The following SHISA9 variants were observed in gnomAD, a reference collection of about 807,000 sequenced individuals.
SHISA9 encodes the protein protein shisa-9.
SHISA9 carries 13 observed loss-of-function variants against 38.0 expected under a neutral mutation model. The observed-to-expected ratio is 0.34, with a 90% CI of 0.22 to 0.54. The LOEUF is 0.54. Among genes scored for constraint, SHISA9 ranks in the 20% least tolerant of loss-of-function variants. The pLI, the probability that SHISA9 is intolerant of heterozygous loss-of-function variation, is 0.91. For synonymous variants in SHISA9, 275 were observed against 242.0 expected (o/e 1.14, Z -1.27); for missense variants, 538 against 575.8 (o/e 0.93, Z 0.67).
the SHISA9 span, among the ~76,000 whole-genome samples, chr16:13,446,079 A>T: frequency 2.0e-5 from 3 of 151,980 alleles, no homozygotes; most frequent in Non-Finnish European, 1.5e-5. Context: ...AGTAGCTGGG[A>T]CTACAGGTGC....
the SHISA9 span, among the ~76,000 whole-genome samples, chr16:13,316,528 C>G: frequency 6.6e-6 from 1 of 152,154 alleles, no homozygotes; most frequent in Non-Finnish European, 1.5e-5. Flanking sequence ...AAAATGGAAA[C>G]CATCATTCCT....
chr16:12,909,659 T>C (rs1050220544), intron 1 of SHISA9: 1 of 960,302 alleles, frequency 1.0e-6, no homozygotes, highest in Non-Finnish European at 1.2e-6. Flanking sequence ...TCATCTTCTC[T>C]GAGAAGCCGT....
At chr16:13,287,320 G>A in the SHISA9 span, among the ~76,000 whole-genome samples, 9 of 152,132 alleles carry the variant, frequency 5.9e-5, no homozygotes, top group South Asian at 2.1e-4. Flanking sequence ...GAACTATTCC[G>A]TGGCAGAAAG....
chr16:13,121,832 TACACACAC>T (rs55727441), intron 2 of SHISA9, among the ~76,000 whole-genome samples: 7,753 of 134,826 alleles, frequency 0.058, 203 homozygotes, highest in African/African-American at 0.09. Flanking sequence ...TATACACACA[TACACACAC>T]ACACACACAC....
chr16:13,346,140 G>T, the SHISA9 span, among the ~76,000 whole-genome samples: 1 of 152,098 alleles, frequency 6.6e-6, no homozygotes, highest in African/African-American at 2.4e-5. Flanking sequence ...CAAGTGTCCA[G>T]TGTCTATCAT....
chr16:13,466,113 CA>C, the SHISA9 span, among the ~76,000 whole-genome samples: 4 of 152,192 alleles, frequency 2.6e-5, no homozygotes, highest in Non-Finnish European at 5.9e-5. Flanking sequence ...TTCCTGTTCC[CA>C]CAATGTTATG....
the SHISA9 span, among the ~76,000 whole-genome samples, chr16:13,367,742 A>C: frequency 1.4e-5 from 2 of 147,102 alleles, no homozygotes; most frequent in Non-Finnish European, 1.5e-5. Flanking sequence ...ACACACACAC[A>C]CACACACCCC....
At chr16:13,045,125 T>G (rs1179416292) in intron 2 of SHISA9, among the ~76,000 whole-genome samples, 4 of 152,188 alleles carry the variant, frequency 2.6e-5, no homozygotes, top group Non-Finnish European at 5.9e-5. Context: ...TGCTTGTTAT[T>G]ATGGATGGGA....
chr16:13,064,264 G>A (rs1000192391), intron 2 of SHISA9, among the ~76,000 whole-genome samples: 1 of 152,136 alleles, frequency 6.6e-6, no homozygotes, highest in Non-Finnish European at 1.5e-5. Flanking sequence ...AATACTTATT[G>A]AGCACCTACT....
the SHISA9 span, among the ~76,000 whole-genome samples, chr16:13,318,512 G>A: frequency 1.3e-5 from 2 of 152,132 alleles, no homozygotes; most frequent in Non-Finnish European, 2.9e-5. Context: ...TTTTAGTAGA[G>A]ACAGAGTTTC....
chr16:13,077,710 T>A (rs2073599510), intron 2 of SHISA9, among the ~76,000 whole-genome samples: 1 of 152,160 alleles, frequency 6.6e-6, no homozygotes, highest in African/African-American at 2.4e-5. Flanking sequence ...TGGGCATAAC[T>A]GGCTCAGACC....
the SHISA9 span, among the ~76,000 whole-genome samples, chr16:13,504,779 T>G: frequency 3.3e-5 from 5 of 152,330 alleles, no homozygotes; most frequent in Non-Finnish European, 5.9e-5. Flanking sequence ...CCTCTAGTAC[T>G]CACATCATCT....
At chr16:13,448,023 G>C in the SHISA9 span, among the ~76,000 whole-genome samples, 1 of 152,082 alleles carries the variant, frequency 6.6e-6, no homozygotes, top group Non-Finnish European at 1.5e-5. Flanking sequence ...ACAGGCCCAG[G>C]GTGTCTATCG....
the SHISA9 span, among the ~76,000 whole-genome samples, chr16:13,514,676 A>G: frequency 3.9e-5 from 6 of 152,212 alleles, no homozygotes; most frequent in South Asian, 1.2e-3. Flanking sequence ...GCAAAAGAGC[A>G]TCAGCAAGTT....
chr16:13,375,304 G>T, the SHISA9 span, among the ~76,000 whole-genome samples: 5 of 152,120 alleles, frequency 3.3e-5, no homozygotes, highest in South Asian at 2.1e-4. Context: ...TATGGTTTTA[G>T]GTCTAACATT....
the SHISA9 span, among the ~76,000 whole-genome samples, chr16:13,310,668 G>A: frequency 6.7e-6 from 1 of 148,974 alleles, no homozygotes; most frequent in Non-Finnish European, 1.5e-5. Flanking sequence ...TATAATTAAT[G>A]TCATTGATTT....
chr16:13,436,241 G>A, the SHISA9 span, among the ~76,000 whole-genome samples: 29,699 of 152,176 alleles, frequency 0.2, 3,170 homozygotes, highest in African/African-American at 0.28. Context: ...AGTAAAAAAG[G>A]GTGTCGTAAA....
At chr16:12,973,962 T>C (rs1398868671) in intron 2 of SHISA9, among the ~76,000 whole-genome samples, 1 of 152,232 alleles carries the variant, frequency 6.6e-6, no homozygotes, top group Non-Finnish European at 1.5e-5. Flanking sequence ...ATGCTTGCTT[T>C]CCTTATTATG....
At chr16:12,974,221 A>G (rs543329585) in intron 2 of SHISA9, among the ~76,000 whole-genome samples, 1 of 152,242 alleles carries the variant, frequency 6.6e-6, no homozygotes, top group Admixed American at 6.5e-5. Flanking sequence ...GAAAGCGTAT[A>G]TCTGGACAAG....
Sources: allele counts gnomAD v4.1 joint callset (sites outside exome capture counted in the v4.1 genomes callset), GRCh38; gene constraint gnomAD v4.1.1; transcripts MANE v1.5; gene names NCBI Gene and HGNC (gene_info 2026-07-23, HGNC 2026-07-21).